The following LRRC4C variants were observed in gnomAD, a reference collection of about 807,000 sequenced individuals.
LRRC4C encodes the protein leucine rich repeat containing 4C, also known as leucine-rich repeat-containing protein 4C.
In LRRC4C, 5 loss-of-function variants were observed where a neutral mutation model predicts 33.6. That is an observed-to-expected ratio of 0.15 (90% CI 0.08 to 0.31). The LOEUF (loss-of-function observed/expected upper bound fraction) is 0.31. Among genes scored for constraint, LRRC4C ranks in the 10% least tolerant of loss-of-function variants. The pLI is 1.00. For synonymous variants in LRRC4C, 329 were observed against 302.0 expected, an observed-to-expected ratio of 1.09 and a Z score of -0.93; for missense variants, 560 against 796.7, an observed-to-expected ratio of 0.70 and a Z score of 3.58.
chr11:40,455,891 A>G (rs1057310830), intron 3 of LRRC4C, among the ~76,000 whole-genome samples: 1 of 152,098 alleles, frequency 6.6e-6, no homozygotes, highest in Non-Finnish European at 1.5e-5. Flanking sequence ...ATGGAGATGA[A>G]TATTAATGGC....
rs368237755 is a variant in LRRC4C, at chr11:40,441,000, C to G, written c.-269-121279G>C. On this transcript the variant is annotated intron_variant, in intron 3 of 6. Coordinates refer to ENST00000528697, the MANE Select transcript of LRRC4C (RefSeq NM_001258419.2). Reference sequence around the variant, plus strand: ...ACTTCTAAACACTTATTGGAATAAACTATGCATCAAAAGGAAGTATCAAAT... The same window carrying G: ...ACTTCTAAACACTTATTGGAATAAAGTATGCATCAAAAGGAAGTATCAAAT... 3.9e-5 allele frequency among the ~76,000 whole-genome samples: 6 copies of G among 152,164 alleles called. No individual in the cohort carries two copies. In the South Asian group the frequency reaches 8.3e-4, roughly 21 times the overall value.
chr11:40,250,312 A>C (rs1190107180), intron 4 of LRRC4C, among the ~76,000 whole-genome samples: 2 of 152,166 alleles, frequency 1.3e-5, no homozygotes, highest in Non-Finnish European at 2.9e-5. Context: ...AATTCTGTTA[A>C]GCTTCCCTAT....
chr11:40,431,230 C>A (rs1374000387), intron 3 of LRRC4C, among the ~76,000 whole-genome samples: 1 of 150,944 alleles, frequency 6.6e-6, no homozygotes, highest in African/African-American at 2.4e-5. Flanking sequence ...AGTTCAAGAC[C>A]AGCCTGGCTA....
At chr11:41,104,677 A>T (rs761257198) in intron 1 of LRRC4C, among the ~76,000 whole-genome samples, 1 of 151,994 alleles carries the variant, frequency 6.6e-6, no homozygotes, top group Non-Finnish European at 1.5e-5. Flanking sequence ...TCGTGGCAAC[A>T]GTATTTATAA....
In LRRC4C at chr11:40,696,288, A is replaced by ATATATG. The variant is rs371980098; in HGVS notation, c.-406-48011_-406-48010insCATATA. ...TTCCCTACCACAATGCCACATATATATATATATATATGGTATATATATATG... is the reference window on the plus strand; with the variant it reads ...TTCCCTACCACAATGCCACATATATATATATGTATATATATATGGTATATATATATG... On this transcript the variant is annotated intron_variant, in intron 2 of 6. Transcript: ENST00000528697. Among the ~76,000 whole-genome samples the ATATATG allele has an allele frequency of 1.4e-4, 18 of 125,604 alleles. 1 individual carries two copies. Among genetic ancestry groups the ATATATG allele is most frequent in the Admixed American group, 3.8e-4 (5 of 13,104 alleles). 82.4% of individuals were successfully genotyped at this position (125,604 alleles called of 152,430 possible).
chr11:40,371,124 T>C (rs1046699921), intron 3 of LRRC4C, among the ~76,000 whole-genome samples: 3 of 152,188 alleles, frequency 2.0e-5, no homozygotes, highest in Non-Finnish European at 4.4e-5. Context: ...ACTCACTTTA[T>C]AGGAACGTTT....
chr11:40,846,367 G>T (rs1953172869), intron 2 of LRRC4C, among the ~76,000 whole-genome samples: 1 of 152,104 alleles, frequency 6.6e-6, no homozygotes, highest in African/African-American at 2.4e-5. Context: ...GAGGTGTAAG[G>T]AAGGGGTCCA....
At chr11:41,080,525 G>A (rs1444563923) in intron 1 of LRRC4C, among the ~76,000 whole-genome samples, 1 of 151,678 alleles carries the variant, frequency 6.6e-6, no homozygotes, top group African/African-American at 2.4e-5. Flanking sequence ...CAAATTTTTT[G>A]TATTTTTAGT....
intron 4 of LRRC4C, among the ~76,000 whole-genome samples, chr11:40,300,218 C>T (rs544445748): frequency 1.3e-5 from 2 of 152,244 alleles, no homozygotes; most frequent in East Asian, 3.9e-4. Context: ...AGAAATCTGC[C>T]TACATGATCC....
At chr11:41,001,578 T>C (rs1453155812) in intron 1 of LRRC4C, among the ~76,000 whole-genome samples, 1 of 151,088 alleles carries the variant, frequency 6.6e-6, no homozygotes, top group Non-Finnish European at 1.5e-5. Context: ...ATCTGGTCTG[T>C]TTTGTCTGAC....
chr11:40,744,705 T>C (rs1948330775), intron 2 of LRRC4C, among the ~76,000 whole-genome samples: 1 of 152,134 alleles, frequency 6.6e-6, no homozygotes, highest in Admixed American at 6.6e-5. Flanking sequence ...ATGAGGAAAC[T>C]GAGGATGAAA....
rs1269119449 is a variant in LRRC4C, at chr11:41,118,972, T to C, written c.-495-185249A>G. Among the ~76,000 whole-genome samples, 4 of 152,148 alleles carry C rather than the reference T, an allele frequency of 2.6e-5. No homozygotes were observed. The East Asian group carries it at 5.8e-4, about 22-fold the overall frequency. On this transcript the variant is annotated intron_variant, in intron 1 of 6. Transcript: ENST00000528697. Reference sequence around the variant, plus strand: ...TTTTTTCTCTGCTTATTTCTTTTTATTTGTTAAATTTAAAAGACATTGCAA... The same window carrying C: ...TTTTTTCTCTGCTTATTTCTTTTTACTTGTTAAATTTAAAAGACATTGCAA...
intron 4 of LRRC4C, among the ~76,000 whole-genome samples, chr11:40,307,442 G>C (rs1229097791): frequency 6.6e-6 from 1 of 152,100 alleles, no homozygotes; most frequent in Admixed American, 6.6e-5. Flanking sequence ...CTCCCACCCA[G>C]CTTCTGCCTT....
intron 1 of LRRC4C, among the ~76,000 whole-genome samples, chr11:41,215,198 A>T (rs191896606): frequency 0.011 from 1,605 of 151,806 alleles, 28 homozygotes; most frequent in African/African-American, 0.036. Context: ...AAAATTTTTT[A>T]AAAAACTGGC....
rs115523857 is a variant in LRRC4C at position 40,983,275 on chromosome 11, C to T, written c.-495-49552G>A. ...CTTCCACAATGGTTGAACTAATTTA[C>T]GCACGACACAAACCAGCAGTGTATA... On this transcript the variant is annotated intron_variant, in intron 1 of 6. Transcript: ENST00000528697. 7.2e-3 allele frequency among the ~76,000 whole-genome samples: 1,103 copies of T among 152,248 alleles called. 9 individuals carry two copies. The highest frequency in any genetic ancestry group is 0.025 in the African/African-American group (1,040 of 41,538).
rs993252070 is a variant in LRRC4C at position 40,533,295 on chromosome 11, T to G, written c.-270+114847A>C. Among the ~76,000 whole-genome samples the G allele has an allele frequency of 2.0e-5, 3 of 152,302 alleles. No individual in the cohort carries two copies. In the South Asian group the frequency reaches 6.2e-4, roughly 32 times the overall value. ...CTAGATCAGAAAATCCTAGCTTGGC[T>G]TACATACCCAGTAGGGATAACTTAT... On this transcript the variant is annotated intron_variant, in intron 3 of 6. Transcript: ENST00000528697.
At chr11:40,601,081 AC>A (rs1459610979) in intron 3 of LRRC4C, among the ~76,000 whole-genome samples, 1 of 152,002 alleles carries the variant, frequency 6.6e-6, no homozygotes, top group African/African-American at 2.4e-5. Context: ...GACTCATTAA[AC>A]CCTTCATTTT....
intron 2 of LRRC4C, among the ~76,000 whole-genome samples, chr11:40,683,548 G>A (rs1944807091): frequency 6.6e-6 from 1 of 152,098 alleles, no homozygotes; most frequent in South Asian, 2.1e-4. Context: ...AAAAAAAAGT[G>A]AAATTCCTAG....
At chr11:41,182,586 T>C (rs1423028604) in intron 1 of LRRC4C, among the ~76,000 whole-genome samples, 3 of 152,124 alleles carry the variant, frequency 2.0e-5, no homozygotes, top group South Asian at 2.1e-4. Context: ...AAAAACACTA[T>C]GAAAATGAAA....
Sources: gnomAD v4.1 joint callset for allele counts (sites outside exome capture counted in the v4.1 genomes callset) on GRCh38, gnomAD v4.1.1 for gene constraint, MANE v1.5 for transcripts, NCBI Gene and HGNC (gene_info 2026-07-23, HGNC 2026-07-21) for gene names.